The following NKIRAS1 variants were observed in gnomAD, a reference collection of about 807,000 sequenced individuals.
NKIRAS1 encodes NFKB inhibitor interacting Ras like 1, also known as NF-kappa-B inhibitor-interacting Ras-like protein 1.
Under a neutral mutation model 19.8 loss-of-function variants are expected in NKIRAS1, and 16 were observed. The observed-to-expected ratio is 0.81, with a 90% CI of 0.55 to 1.23. NKIRAS1 has a LOEUF of 1.23. Among genes scored for constraint, NKIRAS1 ranks in the 50% most tolerant of loss-of-function variants. The pLI, the probability that NKIRAS1 is intolerant of heterozygous loss-of-function variation, is 0.00. For synonymous variants in NKIRAS1, 88 were observed against 79.0 expected (o/e 1.11, Z -0.61); for missense variants, 184 against 220.0 (o/e 0.84, Z 1.04).
upstream of NKIRAS1, chr3:23,917,278 C>G (rs770161434): frequency 6.6e-6 from 1 of 152,572 alleles, no homozygotes; most frequent in Non-Finnish European, 1.5e-5. Flanking sequence ...GGTCTCCCTC[C>G]TGTGCGGCCA....
intron 1 of NKIRAS1, among the ~76,000 whole-genome samples, chr3:23,929,200 A>G (rs1705264426): frequency 6.6e-6 from 1 of 151,390 alleles, no homozygotes; most frequent in Admixed American, 6.6e-5. Flanking sequence ...CGTCTCTACT[A>G]AAAGTACAAA....
At chr3:23,924,473 C>T (rs529407367) in intron 1 of NKIRAS1, 1 of 152,196 alleles carries the variant, frequency 6.6e-6, no homozygotes, top group Admixed American at 6.5e-5. Context: ...AGCACGATCT[C>T]AGCTCACTGC....
At chr3:23,907,308 G>C (rs185845336) in intron 3 of NKIRAS1, among the ~76,000 whole-genome samples, 89 of 152,190 alleles carry the variant, frequency 5.8e-4, no homozygotes, top group Admixed American at 5.8e-3. Context: ...ATGTTATCAG[G>C]TTTAAGGCTT....
chr3:23,929,509 C>T (rs71324119), intron 1 of NKIRAS1, among the ~76,000 whole-genome samples: 5,400 of 152,258 alleles, frequency 0.035, 169 homozygotes, highest in Admixed American at 0.099. Context: ...TCACTGCAAC[C>T]TCTGCGTCTC....
chr3:23,895,096 G>C (rs1451841757), intron 4 of NKIRAS1, among the ~76,000 whole-genome samples: 1 of 152,150 alleles, frequency 6.6e-6, no homozygotes, highest in African/African-American at 2.4e-5. Context: ...CCAGGATGGA[G>C]TGCAATGGCT....
At chr3:23,946,094 C>T (rs1249279598) in intron 1 of NKIRAS1, 2 of 984,708 alleles carry the variant, frequency 2.0e-6, no homozygotes, top group African/African-American at 1.8e-5. Flanking sequence ...CCTTTGGAAG[C>T]CTCGGGGCAG....
chr3:23,909,828 T>C (rs960085320), intron 3 of NKIRAS1, among the ~76,000 whole-genome samples: 2 of 151,806 alleles, frequency 1.3e-5, no homozygotes, highest in African/African-American at 2.4e-5. Flanking sequence ...AAAATCTACA[T>C]ACAGCAGCTC....
intron 1 of NKIRAS1, among the ~76,000 whole-genome samples, chr3:23,940,082 G>A (rs1439981733): frequency 6.6e-6 from 1 of 150,392 alleles, no homozygotes; most frequent in Non-Finnish European, 1.5e-5. Flanking sequence ...TGTAATCCTG[G>A]CACTTTGGGA....
At chr3:23,894,995 T>A (rs1204839817) in intron 4 of NKIRAS1, among the ~76,000 whole-genome samples, 1 of 152,178 alleles carries the variant, frequency 6.6e-6, no homozygotes, top group African/African-American at 2.4e-5. Context: ...GGTCTCATCA[T>A]CCTTACCTCA....
chr3:23,895,216 T>C (rs1701865902), intron 4 of NKIRAS1, among the ~76,000 whole-genome samples: 1 of 152,174 alleles, frequency 6.6e-6, no homozygotes, highest in Admixed American at 6.5e-5. Flanking sequence ...CTTACTTTAT[T>C]GCTGGAGCTG....
intron 4 of NKIRAS1, 111 bp downstream of exon 4, chr3:23,900,697 C>T (rs1702444674): frequency 4.4e-6 from 3 of 674,466 alleles, no homozygotes; most frequent in Non-Finnish European, 7.2e-6. Context: ...AAAGGTTTTA[C>T]AGATACTAAG....
At chr3:23,907,214 A>C (rs1247568180) in intron 3 of NKIRAS1, among the ~76,000 whole-genome samples, 1 of 152,160 alleles carries the variant, frequency 6.6e-6, no homozygotes, top group Non-Finnish European at 1.5e-5. Flanking sequence ...GATTTTAATA[A>C]CATTTTCTTA....
At chr3:23,917,829 A>C (rs765845501), upstream of NKIRAS1, 3 of 1,600,116 alleles carry the variant, frequency 1.9e-6, no homozygotes, top group South Asian at 3.4e-5. Context: ...ATGATATTTA[A>C]TACACAGTTT....
intron 1 of NKIRAS1, among the ~76,000 whole-genome samples, chr3:23,911,764 G>C (rs1441596453): frequency 7.0e-6 from 1 of 143,726 alleles, no homozygotes; most frequent in Admixed American, 7.1e-5. Flanking sequence ...AGTCACGTGG[G>C]CTTTTTTTTT....
At chr3:23,921,981 T>C (rs776175380), upstream of NKIRAS1, 3 of 198,350 alleles carry the variant, frequency 1.5e-5, no homozygotes, top group African/African-American at 4.7e-5. Flanking sequence ...GCTGGAATTA[T>C]AGGAATGAGC....
At chr3:23,925,428 G>A (rs1209292729) in intron 1 of NKIRAS1, among the ~76,000 whole-genome samples, 1 of 152,162 alleles carries the variant, frequency 6.6e-6, no homozygotes, top group Non-Finnish European at 1.5e-5. Context: ...GAGCTCAGGA[G>A]TTTGAGACCA....
intron 3 of NKIRAS1, among the ~76,000 whole-genome samples, chr3:23,904,618 A>C (rs1702839233): frequency 6.6e-6 from 1 of 150,812 alleles, no homozygotes; most frequent in Admixed American, 6.6e-5. Context: ...AGGAGACACT[A>C]TCCTTCAAAC....
chr3:23,925,113 C>CA (rs1705189238), intron 1 of NKIRAS1, among the ~76,000 whole-genome samples: 1 of 152,158 alleles, frequency 6.6e-6, no homozygotes, highest in Non-Finnish European at 1.5e-5. Flanking sequence ...TGATATCTTC[C>CA]AGTGCTTGGA....
At chr3:23,946,132 C>G in intron 1 of NKIRAS1, 2 of 985,118 alleles carry the variant, frequency 2.0e-6, no homozygotes, top group Non-Finnish European at 2.4e-6. Flanking sequence ...CCTCCTCCCC[C>G]GCGGGGTTGC....
Sources: allele counts gnomAD v4.1 joint callset (sites outside exome capture counted in the v4.1 genomes callset), GRCh38; gene constraint gnomAD v4.1.1; transcripts MANE v1.5; gene names NCBI Gene and HGNC (gene_info 2026-07-23, HGNC 2026-07-21).